The following PLSCR5 variants were observed in gnomAD, a reference collection of about 807,000 sequenced individuals.
The protein encoded by PLSCR5 is phospholipid scramblase family member 5.
PLSCR5 carries 44 observed loss-of-function variants against 33.6 expected under a neutral mutation model. The ratio of observed to expected loss-of-function variants is 1.31; its 90% confidence interval spans 1.03 to 1.69. The LOEUF is 1.69. PLSCR5 is among the 40% of genes most tolerant of loss of function. The pLI, the probability that PLSCR5 is intolerant of heterozygous loss-of-function variation, is 0.00. For synonymous variants in PLSCR5, 148 were observed against 112.3 expected, an observed-to-expected ratio of 1.32 and a Z score of -2.01; for missense variants, 375 against 318.7, an observed-to-expected ratio of 1.18 and a Z score of -1.34.
intron 5 of PLSCR5, 42 bp downstream of exon 5, chr3:146,591,678 T>C: frequency 1.3e-6 from 2 of 1,553,680 alleles, no homozygotes; most frequent in Non-Finnish European, 1.7e-6. Context: ...CAAAAAAAAA[T>C]CAGGACCTAA....
intron 2 of PLSCR5, among the ~76,000 whole-genome samples, chr3:146,598,394 A>G (rs2044781005): frequency 6.6e-6 from 1 of 152,162 alleles, no homozygotes; most frequent in African/African-American, 2.4e-5. Flanking sequence ...AAAGTAAATA[A>G]ATGTTCTTTT....
chr3:146,598,916 A>T (rs573300212), intron 2 of PLSCR5, among the ~76,000 whole-genome samples: 36 of 152,362 alleles, frequency 2.4e-4, no homozygotes, highest in Non-Finnish European at 4.3e-4. Flanking sequence ...TCCCAGGAAC[A>T]TATGCTGCGT....
At position 146,594,158 on chromosome 3, in the gene PLSCR5, A is replaced by T. The variant is rs1399350115; in HGVS notation, c.233-18T>A. On this transcript the variant is annotated intron_variant, in intron 3 of 7. Transcript: ENST00000443512. The stretch of plus-strand genomic sequence containing the variant: ...AAGTATCACTAATGGAACAAAAAAA[A>T]AATTATAAAAACATTTTTTTCCTTA... 6.4e-6 allele frequency: 10 copies of T among 1,559,488 alleles called. No individual in the cohort carries two copies. Among genetic ancestry groups the T allele is most frequent in the Admixed American group, 1.7e-5 (1 of 57,630 alleles).
chr3:146,601,898 C>T (rs1471199435), intron 1 of PLSCR5, among the ~76,000 whole-genome samples: 2 of 152,086 alleles, frequency 1.3e-5, no homozygotes, highest in Non-Finnish European at 2.9e-5. Context: ...TTCATTCATT[C>T]ATTTATTTAT....
chr3:146,594,257 T>C, intron 3 of PLSCR5, 117 bp from the exon 4 acceptor site: 1 of 723,066 alleles, frequency 1.4e-6, no homozygotes, highest in Non-Finnish European at 2.2e-6. Flanking sequence ...AAATATATGG[T>C]ATCTTCTTCA....
intron 2 of PLSCR5, 117 bp from the exon 3 acceptor site, chr3:146,595,200 C>T (rs540668932): frequency 2.1e-6 from 1 of 482,606 alleles, no homozygotes; most frequent in African/African-American, 2.0e-5. Flanking sequence ...TTCATGCTTT[C>T]TATTAGGAAA....
intron 5 of PLSCR5, 68 bp from the exon 6 acceptor site, chr3:146,589,882 G>A: frequency 9.9e-7 from 1 of 1,011,194 alleles, no homozygotes; most frequent in Non-Finnish European, 1.4e-6. Context: ...TTCTGAGGGT[G>A]TTTACTTCAT....
intron 6 of PLSCR5, among the ~76,000 whole-genome samples, chr3:146,586,465 T>C (rs1270496289): frequency 6.6e-6 from 1 of 152,252 alleles, no homozygotes; most frequent in Non-Finnish European, 1.5e-5. Context: ...TTGGAAACTT[T>C]ATCTAAATCT....
chr3:146,584,987 G>A (rs375981790), downstream of PLSCR5, among the ~76,000 whole-genome samples: 1 of 152,090 alleles, frequency 6.6e-6, no homozygotes, highest in South Asian at 2.1e-4. Flanking sequence ...AGCCTACATG[G>A]CTTCATGGTA....
intron 2 of PLSCR5, among the ~76,000 whole-genome samples, chr3:146,598,993 G>A (rs1348113060): frequency 6.6e-6 from 1 of 152,206 alleles, no homozygotes; most frequent in Non-Finnish European, 1.5e-5. Context: ...ACAGAGATTT[G>A]ATTTTGATAA....
chr3:146,591,010 G>GT (rs63207761), intron 5 of PLSCR5, among the ~76,000 whole-genome samples: 5,523 of 89,732 alleles, frequency 0.062, 89 homozygotes, highest in Non-Finnish European at 0.081. Context: ...TTTTTTTTTT[G>GT]TTTTTTTTAC....
intron 5 of PLSCR5, 122 bp from the exon 6 acceptor site, chr3:146,589,936 TC>T: frequency 1.7e-6 from 1 of 596,200 alleles, no homozygotes. Context: ...AAATGACAAT[TC>T]CATGTTATTC....
chr3:146,591,037 G>A (rs2044710110), intron 5 of PLSCR5, among the ~76,000 whole-genome samples: 1 of 141,684 alleles, frequency 7.1e-6, no homozygotes, highest in Non-Finnish European at 1.5e-5. Flanking sequence ...AACTTAGCAA[G>A]TCTTAGAAAC....
At chr3:146,595,986 T>C (rs2044757376) in intron 2 of PLSCR5, among the ~76,000 whole-genome samples, 1 of 152,176 alleles carries the variant, frequency 6.6e-6, no homozygotes, top group South Asian at 2.1e-4. Flanking sequence ...GCCAACAAAA[T>C]ACCAATTTAA....
At chr3:146,587,547 A>T (rs2044675620) in intron 6 of PLSCR5, among the ~76,000 whole-genome samples, 1 of 151,812 alleles carries the variant, frequency 6.6e-6, no homozygotes, top group Non-Finnish European at 1.5e-5. Flanking sequence ...GTGTGTGTGG[A>T]GGGGTTGGTG....
chr3:146,580,301 A>G (rs769588674), intron 7 of PLSCR5, among the ~76,000 whole-genome samples: 11 of 152,008 alleles, frequency 7.2e-5, no homozygotes, highest in Non-Finnish European at 1.3e-4. Flanking sequence ...TTCTCTTCCT[A>G]AACTTGCCTT....
chr3:146,583,678 C>A (rs1576815827), downstream of PLSCR5, among the ~76,000 whole-genome samples: 1 of 152,312 alleles, frequency 6.6e-6, no homozygotes, highest in East Asian at 1.9e-4. Context: ...AGCGCTACAT[C>A]AGGTTTTTAT....
chr3:146,578,605 T>C (rs145305484), intron 7 of PLSCR5, among the ~76,000 whole-genome samples: 117 of 152,216 alleles, frequency 7.7e-4, no homozygotes, highest in Admixed American at 1.5e-3. Context: ...TTCCTGAGCA[T>C]TGATTTTTTT....
Position 146,594,060 on chromosome 3 carries a change from T to C in PLSCR5, c.313A>G (p.Ser105Gly), listed in dbSNP as rs751369748. ...GQRIYFAVEE[S>G]ICFNRTFCST... Reference sequence around the variant, plus strand: ...CAGAAAGTACGATTGAAGCAGATGCTTTCCTCCACTGCAAAGTAAATTCTT... The same window carrying C: ...CAGAAAGTACGATTGAAGCAGATGCCTTCCTCCACTGCAAAGTAAATTCTT... The change falls in exon 4 of 8, where the codon AGC becomes GGC. Residue 105 changes from serine to glycine, a missense_variant. By Grantham distance (56) the Ser-to-Gly change is moderately conservative. Transcript: ENST00000443512. 17 of 1,613,738 alleles carry C rather than the reference T, an allele frequency of 1.1e-5. No homozygotes were observed. Among genetic ancestry groups the C allele is most frequent in the Middle Eastern group, 1.6e-4 (1 of 6,082 alleles).
Sources: gnomAD v4.1 joint callset for allele counts (sites outside exome capture counted in the v4.1 genomes callset) on GRCh38, gnomAD v4.1.1 for gene constraint, MANE v1.5 for transcripts, NCBI Gene and HGNC (gene_info 2026-07-23, HGNC 2026-07-21) for gene names.